Variants in FNIP1 observed in about 807,000 individuals in gnomAD.
The protein encoded by FNIP1 is folliculin-interacting protein 1.
A neutral mutation model predicts 124.5 loss-of-function variants in FNIP1; 40 were observed. The observed-to-expected ratio is 0.32, with a 90% CI of 0.25 to 0.42. FNIP1 has a LOEUF of 0.42. Among genes scored for constraint, FNIP1 ranks in the 10% least tolerant of loss-of-function variants. The pLI is 1.00. For missense variants in FNIP1, 1,176 were observed against 1,403.7 expected, an observed-to-expected ratio of 0.84 and a Z score of 2.59; for synonymous variants, 472 against 470.6, an observed-to-expected ratio of 1.00 and a Z score of -0.04.
chr5:131,782,711 T>C (rs1403964003), intron 1 of FNIP1, among the ~76,000 whole-genome samples: 4 of 152,348 alleles, frequency 2.6e-5, no homozygotes, highest in Non-Finnish European at 2.9e-5. Context: ...AATACCAATA[T>C]TAACAGGAGT....
chr5:131,721,067 T>A (rs1343175478), intron 3 of FNIP1, among the ~76,000 whole-genome samples: 2 of 152,174 alleles, frequency 1.3e-5, no homozygotes, highest in African/African-American at 4.8e-5. Flanking sequence ...AGCCAAGATG[T>A]GAAAATAACC....
At chr5:131,701,487 G>A (rs910052511) in intron 10 of FNIP1, among the ~76,000 whole-genome samples, 1 of 152,178 alleles carries the variant, frequency 6.6e-6, no homozygotes, top group Non-Finnish European at 1.5e-5. Context: ...AAATGTGAGT[G>A]CAGCCAATTG....
intron 3 of FNIP1, among the ~76,000 whole-genome samples, chr5:131,728,857 G>C (rs1157346189): frequency 6.6e-6 from 1 of 152,128 alleles, no homozygotes; most frequent in Non-Finnish European, 1.5e-5. Flanking sequence ...ACCTTTGGAT[G>C]GGGTTTTCAT....
chr5:131,786,582 T>G (rs1386274425), intron 1 of FNIP1, among the ~76,000 whole-genome samples: 1 of 152,212 alleles, frequency 6.6e-6, no homozygotes, highest in African/African-American at 2.4e-5. Flanking sequence ...AGTTTGAATG[T>G]GTCCCCGAAG....
In FNIP1 at chr5:131,679,132, G is replaced by A; in HGVS notation, c.1246C>T (p.Pro416Ser). ...NLYTMPRIGEPVWLTMMSGTP... is the reference protein window; with the variant it reads ...NLYTMPRIGESVWLTMMSGTP... ...CCCGACATCATTGTAAGCCAGACAGGTTCTCCAATTCGTGGCATCGTGTAA... is the reference window on the plus strand; with the variant it reads ...CCCGACATCATTGTAAGCCAGACAGATTCTCCAATTCGTGGCATCGTGTAA... The change falls in exon 12 of 18, where the codon CCT becomes TCT. Residue 416 changes from proline (P) to serine (S), a missense_variant. Pro to Ser is a moderately conservative substitution (Grantham distance 74). Transcript: ENST00000510461. 1 of 1,601,482 alleles carries A rather than the reference G, an allele frequency of 6.2e-7. No individual in the cohort carries two copies. The highest frequency in any genetic ancestry group is 8.6e-7 in the Non-Finnish European group (1 of 1,169,130).
chr5:131,740,104 T>C (rs1483834286), intron 2 of FNIP1, among the ~76,000 whole-genome samples: 3 of 152,224 alleles, frequency 2.0e-5, no homozygotes, highest in African/African-American at 7.2e-5. Flanking sequence ...ATGTTTAGCC[T>C]TTCCATTTGT....
At chr5:131,697,202 A>G (rs1487428792) in intron 11 of FNIP1, among the ~76,000 whole-genome samples, 2 of 152,158 alleles carry the variant, frequency 1.3e-5, no homozygotes, top group African/African-American at 4.8e-5. Flanking sequence ...AAAAAAATGT[A>G]GTTTTTCTAA....
chr5:131,738,149 T>C (rs1202807262), intron 2 of FNIP1, among the ~76,000 whole-genome samples: 2 of 152,130 alleles, frequency 1.3e-5, no homozygotes, highest in Non-Finnish European at 2.9e-5. Context: ...TCCTCTCACC[T>C]CACCATGCCC....
At chr5:131,763,761 T>C (rs1771321606) in intron 1 of FNIP1, among the ~76,000 whole-genome samples, 1 of 151,842 alleles carries the variant, frequency 6.6e-6, no homozygotes, top group African/African-American at 2.4e-5. Context: ...TGTTACAATA[T>C]ATAATTTTTA....
chr5:131,716,988 AT>A (rs1046583821), intron 5 of FNIP1, among the ~76,000 whole-genome samples: 132 of 149,920 alleles, frequency 8.8e-4, no homozygotes, highest in South Asian at 7.7e-3. Context: ...ATATATATAT[AT>A]TTTTTTTTAT....
chr5:131,666,834 G>A (rs1767617309), intron 15 of FNIP1, among the ~76,000 whole-genome samples: 2 of 152,156 alleles, frequency 1.3e-5, no homozygotes, highest in Admixed American at 6.5e-5. Flanking sequence ...GTTTTCCAAC[G>A]CCAGGCTTTC....
intron 1 of FNIP1, among the ~76,000 whole-genome samples, chr5:131,780,043 A>AAATAAT (rs911818472): frequency 6.6e-6 from 1 of 151,814 alleles, no homozygotes; most frequent in Non-Finnish European, 1.5e-5. Flanking sequence ...TCTAGCAAAA[A>AAATAAT]AATAATAATA....
At chr5:131,765,260 A>G (rs959416512) in intron 1 of FNIP1, among the ~76,000 whole-genome samples, 3 of 152,052 alleles carry the variant, frequency 2.0e-5, no homozygotes, top group African/African-American at 7.2e-5. Context: ...CTTTTCTTTC[A>G]GTTAATGGAA....
At chr5:131,783,420 T>A (rs1772060432) in intron 1 of FNIP1, among the ~76,000 whole-genome samples, 1 of 143,292 alleles carries the variant, frequency 7.0e-6, no homozygotes, top group Non-Finnish European at 1.5e-5. Context: ...GAAAACTAAG[T>A]CAGAAATTAG....
chr5:131,644,844 T>C, intron 17 of FNIP1, 81 bp from the exon 18 acceptor site: 1 of 1,350,530 alleles, frequency 7.4e-7, no homozygotes, highest in Non-Finnish European at 1.1e-6. Flanking sequence ...CCACCAACTG[T>C]AAGGTCACTA....
chr5:131,732,896 C>T (rs565556912), intron 2 of FNIP1, among the ~76,000 whole-genome samples: 15 of 152,198 alleles, frequency 9.9e-5, no homozygotes, highest in South Asian at 2.1e-4. Context: ...GGGGATGGCA[C>T]TGAATCTATA....
At chr5:131,706,607 C>A in intron 8 of FNIP1, 61 bp from the exon 9 acceptor site, 1 of 1,392,530 alleles carries the variant, frequency 7.2e-7, no homozygotes, top group East Asian at 2.6e-5. Flanking sequence ...TGACAAATTT[C>A]TTTTTAACAA....
At chr5:131,695,243 T>C (rs189704527) in intron 11 of FNIP1, among the ~76,000 whole-genome samples, 63 of 152,318 alleles carry the variant, frequency 4.1e-4, no homozygotes, top group African/African-American at 1.4e-3. Flanking sequence ...CTGAAACTGT[T>C]CAAATTAAGT....
intron 11 of FNIP1, among the ~76,000 whole-genome samples, chr5:131,698,283 T>C (rs1029505334): frequency 2.0e-5 from 3 of 152,120 alleles, no homozygotes; most frequent in African/African-American, 7.2e-5. Context: ...GGAGGAAAGA[T>C]TGAGAAAATG....
Sources: allele counts gnomAD v4.1 joint callset (sites outside exome capture counted in the v4.1 genomes callset), GRCh38; gene constraint gnomAD v4.1.1; transcripts MANE v1.5; gene names NCBI Gene and HGNC (gene_info 2026-07-23, HGNC 2026-07-21).